Variants in OTUD7B observed in about 807,000 individuals in gnomAD.
OTUD7B encodes OTU domain-containing protein 7B.
A neutral mutation model predicts 82.2 loss-of-function variants in OTUD7B; 34 were observed. The observed-to-expected ratio is 0.41, with a 90% CI of 0.31 to 0.55. The LOEUF (loss-of-function observed/expected upper bound fraction) is 0.55. Among genes scored for constraint, OTUD7B ranks in the 20% least tolerant of loss-of-function variants. The pLI, the probability that OTUD7B is intolerant of heterozygous loss-of-function variation, is 0.20. For synonymous variants in OTUD7B, 398 were observed against 402.7 expected (o/e 0.99, Z 0.14); for missense variants, 944 against 1,062.1 (o/e 0.89, Z 1.55).
At chr1:150,032,906 A>G in the OTUD7B span, among the ~76,000 whole-genome samples, 2 of 152,186 alleles carry the variant, frequency 1.3e-5, no homozygotes. Flanking sequence ...GTCCTCACCA[A>G]TCCCTAGTGT....
intron 3 of OTUD7B, among the ~76,000 whole-genome samples, chr1:149,969,364 C>T (rs1320915196): frequency 3.3e-5 from 5 of 152,118 alleles, no homozygotes; most frequent in African/African-American, 1.2e-4. Flanking sequence ...ATCAATATAC[C>T]ATCAAAAGGT....
At chr1:150,013,141 A>C (rs1383093312), upstream of OTUD7B, among the ~76,000 whole-genome samples, 1 of 152,204 alleles carries the variant, frequency 6.6e-6, no homozygotes, top group Non-Finnish European at 1.5e-5. Context: ...AGGTAAAAGC[A>C]CCAGACAAAA....
chr1:149,990,706 A>G (rs1219441416), intron 1 of OTUD7B, among the ~76,000 whole-genome samples: 1 of 152,190 alleles, frequency 6.6e-6, no homozygotes, highest in Non-Finnish European at 1.5e-5. Flanking sequence ...AAAAGTTTAC[A>G]AAGCTTAGGC....
At position 149,944,212 on chromosome 1, in the gene OTUD7B, G is replaced by A; in HGVS notation, c.2177C>T (p.Pro726Leu). Residue 726 changes from proline to leucine, a missense_variant, in exon 12 of 12, where the codon CCA (proline) becomes CTA (leucine). Around this residue, in one of 3 missense-constraint regions of OTUD7B, gnomAD observed 412 missense variants for 418.7 expected, o/e 0.98. Transcript: ENST00000581312. ...GCACTGTCTGGGGAAGGTGGCATATGGTGGTAGGCCCCCGACACATGGACC... is the reference window on the plus strand; with the variant it reads ...GCACTGTCTGGGGAAGGTGGCATATAGTGGTAGGCCCCCGACACATGGACC... ...AGGPCVGGLP[P>L]YATFPRQCPP... 1 of 1,613,466 alleles carries A rather than the reference G, an allele frequency of 6.2e-7. No homozygotes were observed. The highest frequency in any genetic ancestry group is 8.5e-7 in the Non-Finnish European group (1 of 1,179,554).
In OTUD7B at chr1:149,941,327, C is replaced by T. The variant is rs1220380096; in HGVS notation, c.*2530G>A. ...GAAAACCCCTGGTCTGTTTTCATTCCTATTGGTCCAGGCCACCATTCTATG... is the reference window on the plus strand; with the variant it reads ...GAAAACCCCTGGTCTGTTTTCATTCTTATTGGTCCAGGCCACCATTCTATG... On this transcript the variant is annotated 3_prime_UTR_variant, in exon 12 of 12. Transcript: ENST00000581312. The T allele has an allele frequency of 2.6e-5, 4 of 152,204 alleles. No homozygotes were observed. Among genetic ancestry groups the T allele is most frequent in the African/African-American group, 9.7e-5 (4 of 41,436 alleles). 9.4% of individuals were successfully genotyped at this position (152,204 alleles called of 1,614,324 possible).
the OTUD7B span, among the ~76,000 whole-genome samples, chr1:150,061,636 A>G: frequency 6.6e-6 from 1 of 152,236 alleles, no homozygotes; most frequent in Admixed American, 6.5e-5. Flanking sequence ...GTTCATAGCC[A>G]GCAGTGACCT....
chr1:150,062,208 A>G, the OTUD7B span, among the ~76,000 whole-genome samples: 1 of 152,360 alleles, frequency 6.6e-6, no homozygotes, highest in East Asian at 1.9e-4. Flanking sequence ...ATTTTTGAGT[A>G]CAAGAGTATG....
chr1:149,944,663 G>A lies in OTUD7B; in HGVS notation c.1726C>T (p.Pro576Ser). The change falls in exon 12 of 12, where the codon CCC becomes TCC. Residue 576 changes from proline to serine, a missense_variant. By Grantham distance (74) the Pro-to-Ser change is moderately conservative (BLOSUM62 -1). Around this residue, in one of 3 missense-constraint regions of OTUD7B, gnomAD observed 412 missense variants for 418.7 expected, o/e 0.98. Transcript: ENST00000581312. ...CCGTTACCAACAGACTCAGCTGGGGGCTTCTCAGACACAGGCCCATCCCCA... is the reference window on the plus strand; with the variant it reads ...CCGTTACCAACAGACTCAGCTGGGGACTTCTCAGACACAGGCCCATCCCCA... ...AAGDGPVSEKPPAESVGNGGS... is the reference protein window; with the variant it reads ...AAGDGPVSEKSPAESVGNGGS... 5 of 1,613,804 alleles carry A rather than the reference G, an allele frequency of 3.1e-6. No individual in the cohort carries two copies. The highest frequency in any genetic ancestry group is 3.4e-6 in the Non-Finnish European group (4 of 1,180,000).
At chr1:149,986,974 G>A (rs1244356709) in intron 1 of OTUD7B, among the ~76,000 whole-genome samples, 2 of 152,044 alleles carry the variant, frequency 1.3e-5, no homozygotes, top group Non-Finnish European at 2.9e-5. Context: ...ACTCTAAAGG[G>A]ATCTATATAA....
intron 1 of OTUD7B, among the ~76,000 whole-genome samples, chr1:149,995,349 C>T (rs1651855644): frequency 6.6e-6 from 1 of 152,098 alleles, no homozygotes; most frequent in South Asian, 2.1e-4. Flanking sequence ...GAAGGCTGAG[C>T]AGGTGGATCA....
chr1:149,950,797 T>TTTTTTA, intron 7 of OTUD7B, among the ~76,000 whole-genome samples: 1 of 2,182 alleles, frequency 4.6e-4, no homozygotes, highest in African/African-American at 1.6e-3. Context: ...TTGTTTTTTT[T>TTTTTTA]TCTTTTTTTT....
chr1:150,030,329 T>A, the OTUD7B span, among the ~76,000 whole-genome samples: 1 of 152,120 alleles, frequency 6.6e-6, no homozygotes, highest in Non-Finnish European at 1.5e-5. Flanking sequence ...GCTGAATCTA[T>A]CCTTATCTCA....
At chr1:150,054,837 C>CAAAAAAAAAAA in the OTUD7B span, 1 of 146,866 alleles carries the variant, frequency 6.8e-6, no homozygotes, top group Admixed American at 7.5e-5. Context: ...AAAGACGCTG[C>CAAAAAAAAAAA]AGAAGCCCAG....
At chr1:149,978,291 G>A (rs1650464426) in intron 1 of OTUD7B, among the ~76,000 whole-genome samples, 1 of 152,214 alleles carries the variant, frequency 6.6e-6, no homozygotes, top group Non-Finnish European at 1.5e-5. Context: ...TGTATCACCT[G>A]AGGTCAGGAG....
At chr1:150,023,874 AC>A in the OTUD7B span, among the ~76,000 whole-genome samples, 1 of 152,236 alleles carries the variant, frequency 6.6e-6, no homozygotes, top group African/African-American at 2.4e-5. Context: ...ATATATAAAA[AC>A]ATCACATTTT....
At chr1:150,061,047 C>CA in the OTUD7B span, among the ~76,000 whole-genome samples, 4 of 1,564 alleles carry the variant, frequency 2.6e-3, no homozygotes, top group South Asian at 0.033. Context: ...AAACAAAAAA[C>CA]AAAAAAAATT....
intron 7 of OTUD7B, among the ~76,000 whole-genome samples, chr1:149,955,585 C>T (rs1219103487): frequency 7.9e-5 from 12 of 152,076 alleles, no homozygotes; most frequent in Non-Finnish European, 1.5e-4. Context: ...GAGTTCAAGT[C>T]CTGGATATCC....
intron 1 of OTUD7B, among the ~76,000 whole-genome samples, chr1:150,002,532 G>A (rs1249032668): frequency 2.0e-5 from 3 of 152,068 alleles, no homozygotes; most frequent in East Asian, 1.9e-4. Flanking sequence ...AAAAAAAGAC[G>A]GTAGAATGGA....
intron 7 of OTUD7B, among the ~76,000 whole-genome samples, chr1:149,952,917 G>A (rs1553773827): frequency 6.6e-6 from 1 of 152,054 alleles, no homozygotes; most frequent in East Asian, 1.9e-4. Context: ...TTATAACTTT[G>A]TTTAAGTTCT....
Sources: allele counts gnomAD v4.1 joint callset (sites outside exome capture counted in the v4.1 genomes callset), GRCh38; gene constraint gnomAD v4.1.1; regional missense constraint gnomAD v4.1.1; transcripts MANE v1.5; gene names NCBI Gene and HGNC (gene_info 2026-07-23, HGNC 2026-07-21).